SEC31B: variants seen among roughly 807,000 people sequenced by gnomAD.
SEC31B encodes the protein protein transport protein Sec31B.
A neutral mutation model predicts 135.0 loss-of-function variants in SEC31B; 113 were observed. The ratio of observed to expected loss-of-function variants is 0.84; its 90% CI spans 0.72 to 0.98. The LOEUF is 0.98. Ranked by LOEUF, SEC31B falls within the 50% of genes least tolerant of loss-of-function variation. SEC31B has a pLI of 0.00. For missense variants in SEC31B, 1,296 were observed against 1,421.1 expected, an observed-to-expected ratio of 0.91 and a Z score of 1.42; for synonymous variants, 508 against 549.4, an observed-to-expected ratio of 0.92 and a Z score of 1.05.
chr10:100,490,966 AATGAAAC>A, intron 19 of SEC31B, 83 bp from the exon 20 acceptor site: 1 of 1,021,156 alleles, frequency 9.8e-7, no homozygotes, highest in East Asian at 2.9e-5. Flanking sequence ...AGGGAAAATT[AATGAAAC>A]AAAAACTAGT....
chr10:100,506,785 A>G (rs1389249705), intron 7 of SEC31B, among the ~76,000 whole-genome samples: 2 of 152,200 alleles, frequency 1.3e-5, no homozygotes, highest in Non-Finnish European at 2.9e-5. Flanking sequence ...CCCAGGAGGT[A>G]GTAAAGACCT....
In SEC31B at chr10:100,497,752, C is replaced by T. The variant is rs751732711; in HGVS notation, c.1905G>A (p.Val635=). The change falls in exon 16 of 26, where the codon GTG becomes GTA. Residue 635 remains valine (V), a synonymous_variant. Coordinates refer to ENST00000370345, the MANE Select transcript of SEC31B (RefSeq NM_015490.4). ...TCCAGTTCTTCAGGCTACAGGTACA[C>T]ACCACATCCTTCCAATTCTTTTGCA... ...CVVQKNWKDV[V]CTCSLKNWRE... 1.1e-5 allele frequency: 17 copies of T among 1,614,082 alleles called. No individual in the cohort carries two copies. Among genetic ancestry groups the T allele is most frequent in the Non-Finnish European group, 1.4e-5 (17 of 1,180,036 alleles).
chr10:100,504,885 T>C (rs1398413920), intron 10 of SEC31B, among the ~76,000 whole-genome samples: 2 of 152,058 alleles, frequency 1.3e-5, no homozygotes, highest in Non-Finnish European at 2.9e-5. Context: ...CATATGTAAC[T>C]GGAACATAGA....
chr10:100,491,732 A>G (rs555415973), intron 19 of SEC31B, among the ~76,000 whole-genome samples: 18 of 152,376 alleles, frequency 1.2e-4, no homozygotes, highest in Middle Eastern at 3.4e-3. Flanking sequence ...TGGTCTGAAT[A>G]TGCTCCCCAA....
In SEC31B at chr10:100,490,162, G is replaced by A. The variant is rs756931773; in HGVS notation, c.2811C>T (p.Phe937=). The A allele has an allele frequency of 4.7e-5, 75 of 1,601,644 alleles. No homozygotes were observed. The highest frequency in any genetic ancestry group is 1.0e-4 in the Admixed American group (6 of 58,046). The change falls in exon 21 of 26, where the codon TTC becomes TTT. Residue 937 remains phenylalanine, a synonymous_variant. Transcript: ENST00000370345. ...STSLPETPRL[F]PLLPLRPLGP... is the part of the protein sequence containing the mutation. ...CTAGTGGTCTCAGAGGAAGCAGAGG[G>A]AACAGTCTAGGAGTCTCAGGCAGGG...
At chr10:100,488,544 T>G (rs1589728830) in intron 24 of SEC31B, among the ~76,000 whole-genome samples, 1 of 148,738 alleles carries the variant, frequency 6.7e-6, no homozygotes, top group African/African-American at 2.5e-5. Flanking sequence ...CCAAGAAGGG[T>G]AAGTGACTTG....
At chr10:100,511,589 G>T (rs1157265371) in intron 3 of SEC31B, among the ~76,000 whole-genome samples, 1 of 152,172 alleles carries the variant, frequency 6.6e-6, no homozygotes, top group African/African-American at 2.4e-5. Context: ...GGTCAATAAA[G>T]TGAGACCCTA....
intron 3 of SEC31B, among the ~76,000 whole-genome samples, chr10:100,511,893 G>A (rs944941335): frequency 1.3e-5 from 2 of 152,168 alleles, no homozygotes; most frequent in South Asian, 4.1e-4. Flanking sequence ...GAATGCCTAC[G>A]CATCTACTAT....
At chr10:100,488,458 C>CAAAAAA (rs5787387) in intron 24 of SEC31B, among the ~76,000 whole-genome samples, 1 of 97,216 alleles carries the variant, frequency 1.0e-5, no homozygotes, top group Non-Finnish European at 2.1e-5. Context: ...GACTCCATCT[C>CAAAAAA]AAAAAAAAAA....
At chr10:100,490,391 G>A (rs1455547989) in intron 20 of SEC31B, 69 bp from the exon 21 acceptor site, 1 of 1,433,294 alleles carries the variant, frequency 7.0e-7, no homozygotes, top group Non-Finnish European at 9.4e-7. Flanking sequence ...AGCATATCAG[G>A]GAGAAACAGG....
intron 6 of SEC31B, 52 bp from the exon 7 acceptor site, chr10:100,507,619 G>C: frequency 1.9e-6 from 3 of 1,606,556 alleles, no homozygotes; most frequent in Non-Finnish European, 2.6e-6. Flanking sequence ...CTTTTGCCCA[G>C]TTGAAATGGG....
intron 11 of SEC31B, among the ~76,000 whole-genome samples, chr10:100,499,908 T>A (rs1489613834): frequency 1.3e-5 from 2 of 152,240 alleles, no homozygotes; most frequent in African/African-American, 4.8e-5. Flanking sequence ...ATGCTTGTGA[T>A]TGGTAACTTG....
Position 100,497,121 on chromosome 10 carries a change from C to T in SEC31B, c.2136+14G>A, listed in dbSNP as rs201908036. The stretch of plus-strand genomic sequence containing the variant: ...CTGGTGTGGAGTGGCCAGTACCCTG[C>T]AGAGAAGGGGTACCTGCAGAGCCAT... On this transcript the variant is annotated intron_variant, in intron 17 of 25. Coordinates refer to ENST00000370345, the MANE Select transcript of SEC31B (RefSeq NM_015490.4). The T allele has an allele frequency of 1.1e-5, 17 of 1,613,970 alleles. No individual in the cohort carries two copies. In the Admixed American group the frequency reaches 1.3e-4, roughly 13 times the overall value.
intron 15 of SEC31B, 111 bp from the exon 16 acceptor site, chr10:100,497,904 G>T: frequency 6.3e-7 from 1 of 1,587,518 alleles, no homozygotes; most frequent in South Asian, 1.1e-5. Context: ...GGGATGAGGT[G>T]GGGGTGGTTA....
chr10:100,496,223 G>T, intron 18 of SEC31B, 35 bp downstream of exon 18: 1 of 1,605,592 alleles, frequency 6.2e-7, no homozygotes, highest in Non-Finnish European at 8.5e-7. Context: ...ATGACTGAAT[G>T]AAATGGTTTG....
At chr10:100,512,466 G>T (rs1300581422) in intron 3 of SEC31B, among the ~76,000 whole-genome samples, 1 of 152,186 alleles carries the variant, frequency 6.6e-6, no homozygotes, top group African/African-American at 2.4e-5. Flanking sequence ...GATTCTGACT[G>T]CATCCAGAGG....
intron 7 of SEC31B, 141 bp downstream of exon 7, chr10:100,507,284 T>C (rs1455036110): frequency 2.0e-6 from 2 of 992,566 alleles, no homozygotes; most frequent in East Asian, 2.5e-5. Flanking sequence ...GGAGTAGGTA[T>C]TGGGTGACTA....
intron 17 of SEC31B, 82 bp downstream of exon 17, chr10:100,497,053 C>A: frequency 6.5e-7 from 1 of 1,531,558 alleles, no homozygotes. Context: ...GAAGATTCGC[C>A]TCTGCTAGCT....
intron 3 of SEC31B, among the ~76,000 whole-genome samples, chr10:100,512,036 C>T (rs985594132): frequency 1.3e-5 from 2 of 152,206 alleles, no homozygotes; most frequent in Non-Finnish European, 2.9e-5. Context: ...CTTAATGCCT[C>T]TAGAAAGAAG....
Sources: allele counts gnomAD v4.1 joint callset (sites outside exome capture counted in the v4.1 genomes callset), GRCh38; gene constraint gnomAD v4.1.1; transcripts MANE v1.5; gene names NCBI Gene and HGNC (gene_info 2026-07-23, HGNC 2026-07-21).